NUP85: variants seen among roughly 807,000 people sequenced by gnomAD.
NUP85 encodes nucleoporin 85.
Under a neutral mutation model 92.8 loss-of-function variants are expected in NUP85, and 23 were observed. The observed-to-expected ratio is 0.25, with a 90% CI of 0.18 to 0.35. The LOEUF (loss-of-function observed/expected upper bound fraction) is 0.35. NUP85 is among the 10% of genes least tolerant of loss of function. The probability of loss-of-function intolerance (pLI) is 1.00; values close to 1 mark genes in which losing one functional copy is unlikely to be tolerated. For missense variants in NUP85, 759 were observed against 822.8 expected (o/e 0.92, Z 0.95); for synonymous variants, 314 against 306.9 (o/e 1.02, Z -0.24).
intron 18 of NUP85, 161 bp downstream of exon 18, chr17:75,235,362 A>C: frequency 3.2e-6 from 2 of 620,824 alleles, no homozygotes; most frequent in South Asian, 4.2e-5. Flanking sequence ...TTTAGGAGAA[A>C]ATCAGGGATT....
intron 16 of NUP85, among the ~76,000 whole-genome samples, chr17:75,233,887 T>C (rs1358881061): frequency 6.6e-6 from 1 of 151,670 alleles, no homozygotes; most frequent in East Asian, 1.9e-4. Flanking sequence ...CGTGAGCCAC[T>C]GCGCCCCGCC....
chr17:75,230,044 A>ATT (rs3082648), intron 11 of NUP85, among the ~76,000 whole-genome samples: 81,758 of 140,276 alleles, frequency 0.58, 26,479 homozygotes, highest in East Asian at 0.84. Context: ...GGTGTACAAA[A>ATT]TTTTTTTTTT....
chr17:75,220,262 C>T (rs2075558948), intron 7 of NUP85, among the ~76,000 whole-genome samples: 1 of 113,066 alleles, frequency 8.8e-6, no homozygotes, highest in Middle Eastern at 5.2e-3. Flanking sequence ...GTAGCTGGGA[C>T]TACAGGCGCG....
At position 75,213,139 on chromosome 17, in the gene NUP85, T is replaced by C; in HGVS notation, c.405+20T>C. 6.2e-7 allele frequency: 1 copy of C among 1,612,500 alleles called. No individual in the cohort carries two copies. Among genetic ancestry groups the C allele is most frequent in the African/African-American group, 1.3e-5 (1 of 75,012 alleles). On this transcript the variant is annotated intron_variant, in intron 5 of 18. Transcript: ENST00000245544. ...AGCCAGGTAAGGGGAGTCACCTTTA[T>C]TGTTTTAGCACCACTGTGTCCTGTG...
chr17:75,230,786 A>G (rs1179669048), intron 11 of NUP85, among the ~76,000 whole-genome samples: 1 of 152,144 alleles, frequency 6.6e-6, no homozygotes, highest in Non-Finnish European at 1.5e-5. Flanking sequence ...TGGGTGTGGT[A>G]GCGCATGCCT....
chr17:75,226,247 C>T, intron 11 of NUP85, 90 bp downstream of exon 11: 3 of 960,370 alleles, frequency 3.1e-6, no homozygotes, highest in South Asian at 1.4e-5. Flanking sequence ...TCCTTCCTTA[C>T]CCTTCTTCCC....
At position 75,225,237 on chromosome 17, in the gene NUP85, T is replaced by C. The variant is rs1176791726; in HGVS notation, c.732T>C (p.Ser244=). The change falls in exon 8 of 19, where the codon AGT becomes AGC. Residue 244 remains serine, a splice_region_variant and synonymous_variant. Coordinates refer to ENST00000245544, the MANE Select transcript of NUP85 (RefSeq NM_024844.5). ...TGATGAGGACAATGCCCATTCTTAG[T>C]GTACGTGGGGGTAGCTTTGCTCTGC... ...GDLMRTMPIL[S]PGNTQTLTEL... 1 of 1,604,246 alleles carries C rather than the reference T, an allele frequency of 6.2e-7. No homozygotes were observed. Among genetic ancestry groups the C allele is most frequent in the African/African-American group, 1.3e-5 (1 of 74,902 alleles).
intron 14 of NUP85, chr17:75,232,194 C>T (rs571121240): frequency 4.2e-5 from 24 of 575,216 alleles, no homozygotes; most frequent in East Asian, 4.0e-4. Flanking sequence ...AAAATCTACA[C>T]GCCATCTGGA....
rs1301563576 is a variant in NUP85, at chr17:75,226,287, C to T, written c.1094+130C>T. On this transcript the variant is annotated intron_variant, in intron 11 of 18. Transcript: ENST00000245544. ...ACCTGCTATCTTAGTCCATCTCACG[C>T]TGATATTACAGAATACCTGAGACCA... 4.5e-6 allele frequency: 3 copies of T among 668,994 alleles called. No individual in the cohort carries two copies. The East Asian group carries it at 8.1e-5, about 18-fold the overall frequency. The allele number at this position is 668,994 out of a possible 1,614,324, so 41.4% of individuals were successfully genotyped here. A position where few individuals can be genotyped will look rare whatever the true frequency, so the allele number is the denominator to read the frequency against.
At chr17:75,227,518 A>T (rs923116905) in intron 11 of NUP85, among the ~76,000 whole-genome samples, 1 of 151,772 alleles carries the variant, frequency 6.6e-6, no homozygotes, top group Non-Finnish European at 1.5e-5. Context: ...GTGTTTTTCA[A>T]TAGAGACAGG....
chr17:75,225,113 T>C lies in NUP85; in HGVS notation c.608T>C (p.Leu203Ser). 1 of 1,560,266 alleles carries C rather than the reference T, an allele frequency of 6.4e-7. No individual in the cohort carries two copies. Among genetic ancestry groups the C allele is most frequent in the South Asian group, 1.2e-5 (1 of 82,926 alleles). The change falls in exon 8 of 19, where the codon TTG becomes TCG. Residue 203 changes from leucine to serine, a missense_variant. Coordinates refer to ENST00000245544, the MANE Select transcript of NUP85 (RefSeq NM_024844.5). Reference sequence around the variant, plus strand: ...CGGATCTCCTCCCAGGTGACCATCTTGGTGCTGCAGGGCCGGCTGGATGAG... The same window carrying C: ...CGGATCTCCTCCCAGGTGACCATCTCGGTGCTGCAGGGCCGGCTGGATGAG... ...HDSFWNLVTILVLQGRLDEAR... is the reference protein window; with the variant it reads ...HDSFWNLVTISVLQGRLDEAR...
At position 75,215,827 on chromosome 17, in the gene NUP85, G is replaced by A. The variant is rs2075413179; in HGVS notation, c.475+4G>A. ...CTTTTTATTGAAGTGGCCCCAGGTAGGCATGGAATATCTCACCATAATCTC... is the reference window on the plus strand; with the variant it reads ...CTTTTTATTGAAGTGGCCCCAGGTAAGCATGGAATATCTCACCATAATCTC... On this transcript the variant is annotated splice_donor_region_variant and intron_variant, in intron 6 of 18. Coordinates refer to ENST00000245544, the MANE Select transcript of NUP85 (RefSeq NM_024844.5). 4 of 1,612,730 alleles carry A rather than the reference G, an allele frequency of 2.5e-6. No individual in the cohort carries two copies. Among genetic ancestry groups the A allele is most frequent in the African/African-American group, 2.7e-5 (2 of 74,922 alleles).
chr17:75,225,411 T>C lies in NUP85; in HGVS notation c.802T>C (p.Tyr268His), dbSNP rs770324180. ...WQHWHEECER[Y>H]LQDSTFATSP... ...GCACTGGCACGAGGAATGTGAGCGG[T>C]ACCTCCAGGACAGCACATTCGCCAC... Residue 268 changes from tyrosine (Y) to histidine (H), a missense_variant, in exon 9 of 19, where the codon TAC becomes CAC. Physicochemically the swap from Tyr to His is moderately conservative, Grantham distance 83 (BLOSUM62 2). Transcript: ENST00000245544. 1 of 1,614,156 alleles carries C rather than the reference T, an allele frequency of 6.2e-7. No homozygotes were observed. Among genetic ancestry groups the C allele is most frequent in the South Asian group, 1.1e-5 (1 of 91,086 alleles).
At chr17:75,208,410 A>G in intron 1 of NUP85, 117 bp from the exon 2 acceptor site, 1 of 715,820 alleles carries the variant, frequency 1.4e-6, no homozygotes, top group Non-Finnish European at 2.4e-6. Context: ...ACACCACTGT[A>G]CACCAGCCTG....
At chr17:75,210,071 A>G (rs1467770469) in intron 3 of NUP85, 86 bp downstream of exon 3, 1 of 1,359,626 alleles carries the variant, frequency 7.4e-7, no homozygotes, top group Non-Finnish European at 1.0e-6. Context: ...TGTGTGTTTT[A>G]TGGGTTGCGT....
At position 75,235,212 on chromosome 17, in the gene NUP85, C is replaced by T; in HGVS notation, c.1869+11C>T. On this transcript the variant is annotated intron_variant, in intron 18 of 18. Coordinates refer to ENST00000245544, the MANE Select transcript of NUP85 (RefSeq NM_024844.5). ...ACCGAGCAGCTCCAGGTCATTTTCA[C>T]TTTTGGGTTGATGGTTCCACATGGA... 6.2e-7 allele frequency: 1 copy of T among 1,603,004 alleles called. No individual in the cohort carries two copies.
intron 6 of NUP85, chr17:75,216,199 G>C (rs2075425634): frequency 2.6e-5 from 6 of 231,524 alleles, no homozygotes; most frequent in Non-Finnish European, 5.1e-5. Context: ...GAATCATTGG[G>C]ACAGGGCAAC....
In NUP85 at chr17:75,235,126, T is replaced by C. The variant is rs1254061064; in HGVS notation, c.1794T>C (p.Tyr598=). ...KQVIFSAEQT[Y]ELMRCLEDLT... ...TGATTTTCTCAGCAGAACAGACTTA[T>C]GAGTTGATGCGGTGTCTGGAGGACT... The change falls in exon 18 of 19, where the codon TAT becomes TAC. Residue 598 remains tyrosine, a synonymous_variant. Coordinates refer to ENST00000245544, the MANE Select transcript of NUP85 (RefSeq NM_024844.5). The C allele has an allele frequency of 1.4e-5, 22 of 1,611,192 alleles. No homozygotes were observed. Among genetic ancestry groups the C allele is most frequent in the Middle Eastern group, 1.7e-4 (1 of 6,052 alleles).
chr17:75,225,582 G>C (rs374408998), intron 9 of NUP85, 116 bp from the exon 10 acceptor site: 57 of 1,570,904 alleles, frequency 3.6e-5, no homozygotes, highest in South Asian at 2.4e-4. Context: ...GCTCTGCCGT[G>C]ATGGCGAGAG....
Sources: allele counts gnomAD v4.1 joint callset (sites outside exome capture counted in the v4.1 genomes callset), GRCh38; gene constraint gnomAD v4.1.1; transcripts MANE v1.5; gene names NCBI Gene and HGNC (gene_info 2026-07-23, HGNC 2026-07-21).